GOLGA8A: variants seen among roughly 807,000 people sequenced by gnomAD.
GOLGA8A encodes golgin subfamily A member 8A.
GOLGA8A carries 3 observed loss-of-function variants against 22.1 expected under a neutral mutation model. The ratio of observed to expected loss-of-function variants is 0.14; its 90% CI spans 0.06 to 0.35. The LOEUF (loss-of-function observed/expected upper bound fraction) is 0.35. Ranked by LOEUF, GOLGA8A falls within the 10% of genes least tolerant of loss-of-function variation. The pLI is 1.00. For synonymous variants in GOLGA8A, 7 were observed against 91.7 expected, an observed-to-expected ratio of 0.08 and a Z score of 5.28; for missense variants, 16 against 233.2, an observed-to-expected ratio of 0.07 and a Z score of 6.07.
chr15:34,386,664 G>A lies in GOLGA8A; in HGVS notation c.246C>T (p.Ser82=), dbSNP rs1288571181. 6.7e-7 allele frequency: 1 copy of A among 1,498,116 alleles called. No individual in the cohort carries two copies. Among genetic ancestry groups the A allele is most frequent in the Non-Finnish European group, 9.1e-7 (1 of 1,098,910 alleles). The allele number at this position is 1,498,116 out of a possible 1,614,324, so 92.8% of individuals were successfully genotyped here. ...TGTCATTCAGTCGACTGATTTTTAT[G>A]GACCTCGAGTTCAGGACTGCTGCTT... ...QEQAAVLNSR[S]IKISRLNDTI... Residue 82 remains serine, a synonymous_variant, in exon 12 of 25, where the codon TCC becomes TCT. Transcript: ENST00000359187.
rs139410850 is a variant in GOLGA8A at position 34,380,756 on chromosome 15, C to G, written c.*655G>C. 15,678 of 178,106 alleles carry G rather than the reference C, an allele frequency of 0.088. 928 individuals are homozygous for G. The highest frequency in any genetic ancestry group is 0.13 in the Non-Finnish European group (10,496 of 82,598). 11.0% of individuals were successfully genotyped at this position (178,106 alleles called of 1,614,324 possible). ...TGTATCCTGCACATACCTGCCAGAG[C>G]AGGCCACTTTCCTCTTCTGTGAGAT... On this transcript the variant is annotated 3_prime_UTR_variant, in exon 25 of 25. Coordinates refer to ENST00000359187, the MANE Select transcript of GOLGA8A (RefSeq NM_181077.5).
chr15:34,423,331 C>G (rs7163210), intron 2 of GOLGA8A, among the ~76,000 whole-genome samples: 2 of 123,762 alleles, frequency 1.6e-5, no homozygotes, highest in Admixed American at 1.7e-4. Context: ...AAGCCCCGAG[C>G]ATCAGTACCT....
At chr15:34,424,159 T>C (rs1278182415) in intron 2 of GOLGA8A, among the ~76,000 whole-genome samples, 2 of 145,036 alleles carry the variant, frequency 1.4e-5, no homozygotes, top group African/African-American at 2.6e-5. Flanking sequence ...CTCCTCCAGC[T>C]TGCCCAGCCA....
intron 2 of GOLGA8A, among the ~76,000 whole-genome samples, chr15:34,427,441 T>C (rs1354909793): frequency 6.7e-6 from 1 of 148,930 alleles, no homozygotes; most frequent in Non-Finnish European, 1.5e-5. Flanking sequence ...AGTCCAATTG[T>C]GGGGATTTGA....
At chr15:34,430,027 A>G (rs374883984) in intron 2 of GOLGA8A, among the ~76,000 whole-genome samples, 10,603 of 144,038 alleles carry the variant, frequency 0.074, 892 homozygotes, top group South Asian at 0.2. Flanking sequence ...CCCAAATGAA[A>G]CCAAGACAAG....
intron 2 of GOLGA8A, among the ~76,000 whole-genome samples, chr15:34,421,591 T>C (rs1159208112): frequency 7.0e-6 from 1 of 143,816 alleles, no homozygotes; most frequent in African/African-American, 2.5e-5. Flanking sequence ...GAAGACTGCA[T>C]GGGTTGAGGC....
intron 2 of GOLGA8A, among the ~76,000 whole-genome samples, chr15:34,421,613 A>C (rs349641): frequency 0.56 from 77,944 of 139,020 alleles, 27,006 homozygotes; most frequent in East Asian, 0.71. Context: ...CTGGACTTCT[A>C]ATCATGCCAT....
intron 2 of GOLGA8A, among the ~76,000 whole-genome samples, chr15:34,427,114 CGA>C (rs1181405876): frequency 6.8e-6 from 1 of 146,888 alleles, no homozygotes; most frequent in East Asian, 2.0e-4. Context: ...AGGCAGATCA[CGA>C]GATCAGGAGA....
intron 2 of GOLGA8A, among the ~76,000 whole-genome samples, chr15:34,435,030 C>T (rs1353913816): frequency 6.7e-6 from 1 of 149,638 alleles, no homozygotes; most frequent in African/African-American, 2.5e-5. Flanking sequence ...ACCGCCAGTC[C>T]TCTCCTCCCC....
In GOLGA8A at chr15:34,437,762, G is replaced by C; in HGVS notation, c.-1576C>G. Among the ~76,000 whole-genome samples the C allele has an allele frequency of 1.4e-5, 2 of 147,974 alleles. 1 individual carries two copies. On this transcript the variant is annotated 5_prime_UTR_variant, in exon 1 of 25. Coordinates refer to ENST00000359187, the MANE Select transcript of GOLGA8A (RefSeq NM_181077.5). ...GGGGCTGAGCTCCCGCAGAGCTCGC[G>C]CCTAGCCGCACACCTCGACTGCTGA... is the stretch of plus-strand genomic sequence containing the variant.
chr15:34,424,654 G>A (rs1408808559), intron 2 of GOLGA8A, among the ~76,000 whole-genome samples: 1 of 121,964 alleles, frequency 8.2e-6, no homozygotes, highest in Non-Finnish European at 1.7e-5. Flanking sequence ...CAGTGATGGA[G>A]GCAAAGGACT....
At position 34,429,115 on chromosome 15, in the gene GOLGA8A, C is replaced by T. The variant is rs188501236; in HGVS notation, c.-1123+6268G>A. ...CCCCATGTCACATCTTCTGCTCATA[C>T]CTCCCCACACCCTCCTCTCGCCTCT... On this transcript the variant is annotated intron_variant, in intron 2 of 24. Transcript: ENST00000359187. 1.2e-3 allele frequency among the ~76,000 whole-genome samples: 180 copies of T among 145,138 alleles called. 8 individuals are homozygous for T. The highest frequency in any genetic ancestry group is 4.4e-3 in the African/African-American group (172 of 39,198).
Position 34,379,636 on chromosome 15 carries a change from G to A in GOLGA8A, c.*1775C>T, listed in dbSNP as rs1394558587. On this transcript the variant is annotated 3_prime_UTR_variant, in exon 25 of 25. Coordinates refer to ENST00000359187, the MANE Select transcript of GOLGA8A (RefSeq NM_181077.5). ...AATCTCACATTTATAAAAGGATCAT[G>A]AGGCTGCCAAGTGCTAAAAATGGAG... 1.3e-5 allele frequency: 2 copies of A among 152,618 alleles called. No homozygotes were observed. Among genetic ancestry groups the A allele is most frequent in the Non-Finnish European group, 2.9e-5 (2 of 68,036 alleles). 9.5% of individuals were successfully genotyped at this position (152,618 alleles called of 1,614,324 possible). A position where few individuals can be genotyped will look rare whatever the true frequency, so the allele number is the denominator to read the frequency against.
chr15:34,417,524 T>C (rs1892623232), intron 2 of GOLGA8A: 1 of 137,552 alleles, frequency 7.3e-6, no homozygotes, highest in Non-Finnish European at 1.6e-5. Flanking sequence ...ACTTTGTTTT[T>C]CATGATTGTG....
At chr15:34,433,167 G>A (rs1358186476) in intron 2 of GOLGA8A, among the ~76,000 whole-genome samples, 1 of 148,632 alleles carries the variant, frequency 6.7e-6, no homozygotes, top group Non-Finnish European at 1.5e-5. Flanking sequence ...ACCAGGCCAG[G>A]ACACACGCAG....
chr15:34,427,970 G>A (rs1679586283), intron 2 of GOLGA8A, among the ~76,000 whole-genome samples: 1 of 148,836 alleles, frequency 6.7e-6, no homozygotes, highest in African/African-American at 2.5e-5. Flanking sequence ...CAGTTGACAT[G>A]AACTACAGCA....
At chr15:34,431,239 C>G (rs1368059707) in intron 2 of GOLGA8A, among the ~76,000 whole-genome samples, 4 of 141,076 alleles carry the variant, frequency 2.8e-5, no homozygotes, top group Non-Finnish European at 4.6e-5. Context: ...TTTAGAGCTG[C>G]CTTGCTGGAG....
chr15:34,423,919 T>C (rs1313968756), intron 2 of GOLGA8A, among the ~76,000 whole-genome samples: 2 of 148,542 alleles, frequency 1.3e-5, no homozygotes, highest in African/African-American at 5.0e-5. Flanking sequence ...GTCCTCACGT[T>C]TGGAGGAAGC....
rs1293598161 is a variant in GOLGA8A at position 34,431,330 on chromosome 15, T to TAC, written c.-1123+4052_-1123+4053insGT. The stretch of plus-strand genomic sequence containing the variant: ...ATATATACATATATATATATATATA[T>TAC]ATATATATATATATATCTCACACAC... On this transcript the variant is annotated intron_variant, in intron 2 of 24. Coordinates refer to ENST00000359187, the MANE Select transcript of GOLGA8A (RefSeq NM_181077.5). 3.4e-5 allele frequency among the ~76,000 whole-genome samples: 3 copies of TAC among 89,234 alleles called. No homozygotes were observed. The East Asian group carries it at 1.1e-3, about 32-fold the overall frequency. 58.5% of individuals were successfully genotyped at this position (89,234 alleles called of 152,430 possible).
Sources: gnomAD v4.1 joint callset for allele counts (sites outside exome capture counted in the v4.1 genomes callset) on GRCh38, gnomAD v4.1.1 for gene constraint, MANE v1.5 for transcripts, NCBI Gene and HGNC (gene_info 2026-07-23, HGNC 2026-07-21) for gene names.